Variants in ENTPD1 observed in about 807,000 individuals in gnomAD.
The protein encoded by ENTPD1 is ectonucleoside triphosphate diphosphohydrolase 1.
Under a neutral mutation model 57.0 loss-of-function variants are expected in ENTPD1, and 33 were observed. The ratio of observed to expected loss-of-function variants is 0.58; its 90% CI spans 0.44 to 0.77. ENTPD1 has a LOEUF of 0.77. Among genes scored for constraint, ENTPD1 ranks in the 30% least tolerant of loss-of-function variants. The pLI is 0.00. For synonymous variants in ENTPD1, 202 were observed against 218.8 expected, an observed-to-expected ratio of 0.92 and a Z score of 0.68; for missense variants, 501 against 603.4, an observed-to-expected ratio of 0.83 and a Z score of 1.78.
At chr10:95,795,352 G>A (rs1286411697) in intron 1 of ENTPD1, among the ~76,000 whole-genome samples, 1 of 152,166 alleles carries the variant, frequency 6.6e-6, no homozygotes, top group Non-Finnish European at 1.5e-5. Flanking sequence ...GATGTTCACT[G>A]AGCTGTGAAT....
chr10:95,727,095 A>G (rs891888254), intron 1 of ENTPD1, among the ~76,000 whole-genome samples: 1 of 152,170 alleles, frequency 6.6e-6, no homozygotes. Context: ...CGTGTAGTCC[A>G]AGCAGTTTAG....
At chr10:95,807,611 G>T (rs1589928084) in intron 1 of ENTPD1, among the ~76,000 whole-genome samples, 1 of 152,242 alleles carries the variant, frequency 6.6e-6, no homozygotes, top group Admixed American at 6.5e-5. Flanking sequence ...GGGAGCTGCA[G>T]ACTGGAGCTG....
At position 95,720,155 on chromosome 10, in the gene ENTPD1, C is replaced by T. The variant is rs528381889; in HGVS notation, c.37+8162C>T. Among the ~76,000 whole-genome samples, 76 of 152,152 alleles carry T rather than the reference C, an allele frequency of 5.0e-4. 1 individual carries two copies. The South Asian group carries it at 0.015, about 31-fold the overall frequency. Reference sequence around the variant, plus strand: ...ACAATCTTTTGGAGTCCTTGTTGGGCCTCGGGTGTAAGGGGGTACTGCCTT... The same window carrying T: ...ACAATCTTTTGGAGTCCTTGTTGGGTCTCGGGTGTAAGGGGGTACTGCCTT... On this transcript the variant is annotated intron_variant, in intron 1 of 9. Transcript: ENST00000453258.
chr10:95,844,842 A>G, intron 5 of ENTPD1: 1 of 680,626 alleles, frequency 1.5e-6, no homozygotes, highest in Non-Finnish European at 2.6e-6. Flanking sequence ...TATTGGGAGA[A>G]TAAGGACATG....
chr10:95,719,206 C>A (rs1009077589), intron 1 of ENTPD1, among the ~76,000 whole-genome samples: 2 of 152,210 alleles, frequency 1.3e-5, no homozygotes, highest in African/African-American at 4.8e-5. Context: ...GGGTTGCAAG[C>A]TGGTCTCTCG....
chr10:95,753,537 T>A (rs950472593), upstream of ENTPD1: 8 of 152,248 alleles, frequency 5.3e-5, no homozygotes, highest in Non-Finnish European at 1.0e-4. Flanking sequence ...ATTTTACCTC[T>A]CCTGGTTAAA....
chr10:95,830,916 A>G (rs2098394627), intron 2 of ENTPD1, among the ~76,000 whole-genome samples: 1 of 152,212 alleles, frequency 6.6e-6, no homozygotes, highest in Admixed American at 6.5e-5. Context: ...CAAGGAAGTG[A>G]TGCCCAGATT....
At chr10:95,837,002 T>A (rs1379383038) in intron 2 of ENTPD1, among the ~76,000 whole-genome samples, 1 of 152,224 alleles carries the variant, frequency 6.6e-6, no homozygotes, top group African/African-American at 2.4e-5. Flanking sequence ...CATGCTAGTG[T>A]ACTGTGTACA....
chr10:95,827,784 C>CA (rs1429935181), intron 2 of ENTPD1, among the ~76,000 whole-genome samples: 3 of 150,180 alleles, frequency 2.0e-5, no homozygotes, highest in East Asian at 2.0e-4. Context: ...CATGCCCGGC[C>CA]AAAAAAAAAT....
chr10:95,755,712 T>A (rs1178438272), upstream of ENTPD1: 12 of 1,537,206 alleles, frequency 7.8e-6, no homozygotes, highest in Non-Finnish European at 1.0e-5. Flanking sequence ...GACCAGAGGC[T>A]TTATGGGGAG....
Position 95,873,195 on chromosome 10 carries a change from T to G in ENTPD1, c.*6812T>G, listed in dbSNP as rs1185167269. ...CGTATCAAAGGTCTAGATGACATTA[T>G]CATTCCAAAGAGTTTCTTTTACAGG... On this transcript the variant is annotated 3_prime_UTR_variant, in exon 10 of 10. Transcript: ENST00000371205. 1 of 985,354 alleles carries G rather than the reference T, an allele frequency of 1.0e-6. No homozygotes were observed. The highest frequency in any genetic ancestry group is 1.2e-6 in the Non-Finnish European group (1 of 829,944). The allele number at this position is 985,354 out of a possible 1,614,324, so 61.0% of individuals were successfully genotyped here.
chr10:95,785,939 G>T (rs1357442173), intron 1 of ENTPD1, among the ~76,000 whole-genome samples: 2 of 152,216 alleles, frequency 1.3e-5, no homozygotes, highest in East Asian at 3.8e-4. Context: ...GAGGATGATT[G>T]TGAGGATGGC....
chr10:95,864,241 T>C (rs927235305), intron 8 of ENTPD1, among the ~76,000 whole-genome samples: 5 of 152,170 alleles, frequency 3.3e-5, no homozygotes, highest in African/African-American at 9.7e-5. Context: ...GGGAATCATA[T>C]TGGGATGCAG....
At chr10:95,778,872 A>C (rs2098144776) in intron 1 of ENTPD1, among the ~76,000 whole-genome samples, 2 of 151,994 alleles carry the variant, frequency 1.3e-5, no homozygotes, top group Non-Finnish European at 2.9e-5. Flanking sequence ...ATCTTCACTC[A>C]GTTCTATCAG....
chr10:95,839,501 G>A (rs1426025141), intron 2 of ENTPD1, 190 bp from the exon 3 acceptor site: 2 of 663,676 alleles, frequency 3.0e-6, no homozygotes, highest in South Asian at 1.7e-5. Context: ...ACAGCATGAA[G>A]AGCCCCGTTC....
At position 95,756,250 on chromosome 10, in the gene ENTPD1, CA is replaced by C; in HGVS notation, c.14del (p.Lys5ArgfsTer5). Reference protein sequence around the residue: MEDTKESNVKTFCS... With the variant: MEDXKESNVKTFCS... ...CAAAAGCTGCTACTTATGGAAGATACAAAGGGTAAGACCAAAATTGATTTGA... is the reference window on the plus strand; with the variant it reads ...CAAAAGCTGCTACTTATGGAAGATACAAGGGTAAGACCAAAATTGATTTGA... On this transcript the variant is annotated frameshift_variant, in exon 1 of 10. Transcript: ENST00000371205. LOFTEE classifies it high-confidence loss of function. The C allele has an allele frequency of 6.3e-7, 1 of 1,592,588 alleles. No homozygotes were observed. The highest frequency in any genetic ancestry group is 8.6e-7 in the Non-Finnish European group (1 of 1,168,990).
upstream of ENTPD1, chr10:95,755,530 T>TG (rs2098020024): frequency 1.6e-6 from 1 of 622,324 alleles, no homozygotes; most frequent in Admixed American, 2.9e-5. Flanking sequence ...TGGGAAATGG[T>TG]GGATGACTTT....
At position 95,864,705 on chromosome 10, in the gene ENTPD1, C is replaced by T; in HGVS notation, c.1189-19C>T. ...GTGCCTATCATACGAGTATGATCTC[C>T]CCCTCACTTCACTTCTAGATAAAAA... is the stretch of plus-strand genomic sequence containing the variant. On this transcript the variant is annotated intron_variant, in intron 8 of 9. Coordinates refer to ENST00000371205, the MANE Select transcript of ENTPD1 (RefSeq NM_001776.6). 1 of 1,614,006 alleles carries T rather than the reference C, an allele frequency of 6.2e-7. No homozygotes were observed. The highest frequency in any genetic ancestry group is 8.5e-7 in the Non-Finnish European group (1 of 1,179,984).
intron 2 of ENTPD1, among the ~76,000 whole-genome samples, chr10:95,832,602 G>A (rs1439957665): frequency 6.6e-6 from 1 of 152,136 alleles, no homozygotes; most frequent in African/African-American, 2.4e-5. Context: ...GGCACACACT[G>A]AGTCTCTGTC....
Sources: gnomAD v4.1 joint callset for allele counts (sites outside exome capture counted in the v4.1 genomes callset) on GRCh38, gnomAD v4.1.1 for gene constraint, MANE v1.5 for transcripts, NCBI Gene and HGNC (gene_info 2026-07-23, HGNC 2026-07-21) for gene names.